The following RB1 variants were observed in gnomAD, a reference collection of about 807,000 sequenced individuals.
RB1 encodes the protein RB transcriptional corepressor 1.
In RB1, 18 loss-of-function variants were observed where a neutral mutation model predicts 135.4. The observed-to-expected ratio is 0.13, with a 90% CI of 0.09 to 0.20. The LOEUF is 0.20. Among genes scored for constraint, RB1 ranks in the 10% least tolerant of loss-of-function variants. RB1 has a pLI of 1.00. For missense variants in RB1, 868 were observed against 1,110.0 expected (o/e 0.78, Z 3.10); for synonymous variants, 365 against 373.2 (o/e 0.98, Z 0.25).
chr13:48,447,258 G>A (rs1236761836), intron 17 of RB1, among the ~76,000 whole-genome samples: 1 of 152,138 alleles, frequency 6.6e-6, no homozygotes, highest in Admixed American at 6.5e-5. Context: ...GGTAGAGGAT[G>A]ATTAAAGTTT....
intron 17 of RB1, among the ~76,000 whole-genome samples, chr13:48,383,245 G>A (rs1948550450): frequency 6.6e-6 from 1 of 151,830 alleles, no homozygotes; most frequent in Non-Finnish European, 1.5e-5. Flanking sequence ...TCAATTATAG[G>A]TATTGGTTCA....
chr13:48,390,502 C>T (rs1464067263), intron 17 of RB1, among the ~76,000 whole-genome samples: 1 of 152,062 alleles, frequency 6.6e-6, no homozygotes, highest in African/African-American at 2.4e-5. Flanking sequence ...GTCTTCAGTG[C>T]TTGAGGGGAG....
chr13:48,474,761 A>G (rs762915765), intron 24 of RB1, among the ~76,000 whole-genome samples: 9 of 152,150 alleles, frequency 5.9e-5, no homozygotes, highest in Admixed American at 6.6e-5. Flanking sequence ...TTTGCTTTGA[A>G]ACATTTATTC....
intron 6 of RB1, among the ~76,000 whole-genome samples, chr13:48,357,742 G>T (rs1052886925): frequency 2.6e-5 from 4 of 152,056 alleles, no homozygotes; most frequent in African/African-American, 9.7e-5. Flanking sequence ...TACATTACAG[G>T]TGACTAAAGG....
intron 17 of RB1, among the ~76,000 whole-genome samples, chr13:48,389,257 A>T (rs1042361682): frequency 7.2e-5 from 11 of 152,144 alleles, no homozygotes; most frequent in African/African-American, 2.7e-4. Context: ...TTGCTCACTC[A>T]GACTTTTCAG....
chr13:48,331,368 T>C (rs1011147344), intron 2 of RB1, among the ~76,000 whole-genome samples: 2 of 152,224 alleles, frequency 1.3e-5, no homozygotes, highest in Non-Finnish European at 2.9e-5. Flanking sequence ...ATTCCCAATA[T>C]GGTAGTATTA....
chr13:48,464,974 T>TTTTTTTTA, intron 21 of RB1, 24 bp from the exon 22 acceptor site: 1 of 1,391,934 alleles, frequency 7.2e-7, no homozygotes, highest in Non-Finnish European at 9.5e-7. Context: ...TTTTTTTTTT[T>TTTTTTTTA]TTTTTTTTAC....
chr13:48,334,191 C>A (rs1392827933), intron 2 of RB1, among the ~76,000 whole-genome samples: 1 of 152,142 alleles, frequency 6.6e-6, no homozygotes, highest in Non-Finnish European at 1.5e-5. Context: ...ATGGTGTTCA[C>A]CCCTGCATGT....
At chr13:48,304,400 C>T (rs755767778) in intron 1 of RB1, among the ~76,000 whole-genome samples, 5 of 152,116 alleles carry the variant, frequency 3.3e-5, no homozygotes, top group Non-Finnish European at 7.4e-5. Context: ...AAAATGGTGT[C>T]TGTGGGAGAG....
chr13:48,391,943 A>G (rs900482428), intron 17 of RB1, among the ~76,000 whole-genome samples: 1 of 152,098 alleles, frequency 6.6e-6, no homozygotes, highest in African/African-American at 2.4e-5. Flanking sequence ...TCTTGTGTGC[A>G]TGTCTACTAG....
In RB1 at chr13:48,481,690, T is replaced by TAAG. The variant is rs931918561; in HGVS notation, c.*1620_*1622dup. ...TTACTATTTCTGGGTCTTTTGCTAC[T>TAAG]AAGTTCACATTAGAATTAGTGCCAG... On this transcript the variant is annotated 3_prime_UTR_variant, in exon 27 of 27. Transcript: ENST00000267163. 4.3e-6 allele frequency: 1 copy of TAAG among 230,842 alleles called. No individual in the cohort carries two copies. Among genetic ancestry groups the TAAG allele is most frequent in the African/African-American group, 2.2e-5 (1 of 45,220 alleles). 14.3% of individuals were successfully genotyped at this position (230,842 alleles called of 1,614,324 possible). A position where few individuals can be genotyped will look rare whatever the true frequency, so the allele number is the denominator to read the frequency against.
intron 8 of RB1, among the ~76,000 whole-genome samples, chr13:48,364,257 T>A (rs1180760831): frequency 6.6e-6 from 1 of 151,962 alleles, no homozygotes; most frequent in Admixed American, 6.6e-5. Flanking sequence ...ACAGAAAAAA[T>A]TAAGAAAAAG....
chr13:48,430,694 T>G (rs541819446), intron 17 of RB1, among the ~76,000 whole-genome samples: 1 of 152,124 alleles, frequency 6.6e-6, no homozygotes, highest in East Asian at 1.9e-4. Context: ...GAGCCGAGAT[T>G]GTGCCACTGC....
Position 48,364,934 on chromosome 13 carries a change from A to G in RB1, c.902A>G (p.Asn301Ser). The change falls in exon 9 of 27, where the codon AAT becomes AGT. Residue 301 changes from asparagine to serine, a missense_variant. Coordinates refer to ENST00000267163, the MANE Select transcript of RB1 (RefSeq NM_000321.3). ...TTCAAAAATTTTATACCTTTTATGAATTCTCTTGGACTTGTAACATCTAAT... is the reference window on the plus strand; with the variant it reads ...TTCAAAAATTTTATACCTTTTATGAGTTCTCTTGGACTTGTAACATCTAAT... ...VYFKNFIPFM[N>S]SLGLVTSNGL... The G allele has an allele frequency of 6.4e-7, 1 of 1,570,274 alleles. No homozygotes were observed. The highest frequency in any genetic ancestry group is 8.7e-7 in the Non-Finnish European group (1 of 1,153,546).
chr13:48,382,528 C>T (rs1440130386), intron 17 of RB1, among the ~76,000 whole-genome samples: 3 of 152,126 alleles, frequency 2.0e-5, no homozygotes, highest in African/African-American at 4.8e-5. Flanking sequence ...ATCTTTCACC[C>T]ACTTTTTGAT....
chr13:48,395,965 T>C (rs953759287), intron 17 of RB1, among the ~76,000 whole-genome samples: 33 of 151,964 alleles, frequency 2.2e-4, no homozygotes, highest in African/African-American at 8.0e-4. Context: ...GGAAAAAATA[T>C]TAAGAGCAGC....
chr13:48,450,179 G>A (rs771888169), intron 17 of RB1, among the ~76,000 whole-genome samples: 12 of 151,438 alleles, frequency 7.9e-5, no homozygotes, highest in Non-Finnish European at 1.5e-4. Context: ...TGCTTTTGGT[G>A]TTTTCATCAT....
At chr13:48,318,551 C>T in intron 2 of RB1, 1 of 745,884 alleles carries the variant, frequency 1.3e-6, no homozygotes, top group Non-Finnish European at 2.2e-6. Flanking sequence ...CTCCCGGGAC[C>T]TCGCTGGCTT....
At chr13:48,323,458 T>C (rs1392998942) in intron 2 of RB1, among the ~76,000 whole-genome samples, 1 of 151,960 alleles carries the variant, frequency 6.6e-6, no homozygotes, top group East Asian at 1.9e-4. Context: ...GTTGGTGATT[T>C]AAAGTTTTTT....
Sources: allele counts gnomAD v4.1 joint callset (sites outside exome capture counted in the v4.1 genomes callset), GRCh38; gene constraint gnomAD v4.1.1; transcripts MANE v1.5; gene names NCBI Gene and HGNC (gene_info 2026-07-23, HGNC 2026-07-21).